The following NCAM1 variants were observed in gnomAD, a reference collection of about 807,000 sequenced individuals.
NCAM1 encodes the protein neural cell adhesion molecule 1, also known as antigen recognized by monoclonal antibody 5.1H11.
NCAM1 carries 14 observed loss-of-function variants against 109.8 expected under a neutral mutation model. That is an observed-to-expected ratio of 0.13 (90% CI 0.08 to 0.20). The LOEUF (loss-of-function observed/expected upper bound fraction) is 0.20. NCAM1 is among the 10% of genes least tolerant of loss of function. The pLI, the probability that NCAM1 is intolerant of heterozygous loss-of-function variation, is 1.00. For missense variants in NCAM1, 774 were observed against 1,109.9 expected (o/e 0.70, Z 4.30); for synonymous variants, 418 against 442.9 (o/e 0.94, Z 0.70).
intron 1 of NCAM1, among the ~76,000 whole-genome samples, chr11:113,045,572 A>T (rs1244344149): frequency 6.6e-6 from 1 of 152,192 alleles, no homozygotes; most frequent in African/African-American, 2.4e-5. Flanking sequence ...AAGCAATAGA[A>T]CACACAGAAC....
At chr11:113,082,747 G>T (rs1378329141) in intron 1 of NCAM1, among the ~76,000 whole-genome samples, 1 of 152,180 alleles carries the variant, frequency 6.6e-6, no homozygotes, top group African/African-American at 2.4e-5. Context: ...CTCAGACCTG[G>T]CTCGGCAAGG....
At chr11:113,097,113 T>A (rs1264738594) in intron 1 of NCAM1, among the ~76,000 whole-genome samples, 4 of 152,116 alleles carry the variant, frequency 2.6e-5, no homozygotes, top group African/African-American at 9.7e-5. Flanking sequence ...CCAAACTGAG[T>A]CTGACATGTT....
chr11:113,217,850 T>C (rs543251088), intron 8 of NCAM1, among the ~76,000 whole-genome samples: 2 of 152,338 alleles, frequency 1.3e-5, no homozygotes, highest in East Asian at 3.9e-4. Flanking sequence ...ACTGGGACTG[T>C]ACTATGCATT....
At chr11:113,122,043 AG>A (rs1940984754) in intron 1 of NCAM1, among the ~76,000 whole-genome samples, 2 of 152,156 alleles carry the variant, frequency 1.3e-5, no homozygotes, top group South Asian at 4.2e-4. Context: ...GGAGGCAGAA[AG>A]GGGGTAATCT....
At chr11:113,198,267 C>T (rs1555111206) in intron 1 of NCAM1, among the ~76,000 whole-genome samples, 2 of 152,156 alleles carry the variant, frequency 1.3e-5, no homozygotes, top group Admixed American at 1.3e-4. Flanking sequence ...CTGAGCGTCC[C>T]TTACCCATAT....
At position 113,188,834 on chromosome 11, in the gene NCAM1, A is replaced by AGTGTGTGT. The variant is rs144748025; in HGVS notation, c.53-13536_53-13529dup. Among the ~76,000 whole-genome samples the AGTGTGTGT allele has an allele frequency of 8.8e-3, 1,331 of 150,586 alleles. 18 individuals are homozygous for AGTGTGTGT. The highest frequency in any genetic ancestry group is 0.03 in the African/African-American group (1,239 of 41,008). ...GGTGGTGTGTGTGTGTGTGAGTGTG[A>AGTGTGTGT]GTGTGTGTGTGTGTGTCTCCCTGTG... On this transcript the variant is annotated intron_variant, in intron 1 of 19. Transcript: ENST00000316851.
chr11:113,153,773 G>A (rs1555102991), intron 1 of NCAM1, among the ~76,000 whole-genome samples: 1 of 152,132 alleles, frequency 6.6e-6, no homozygotes, highest in African/African-American at 2.4e-5. Context: ...ACAGAAAGTG[G>A]GAAGCTCACA....
chr11:113,126,155 CAAA>C (rs5794846), intron 1 of NCAM1, among the ~76,000 whole-genome samples: 4 of 140,758 alleles, frequency 2.8e-5, no homozygotes, highest in Non-Finnish European at 3.1e-5. Flanking sequence ...TACCCTTTCT[CAAA>C]AAAAAAAAAA....
Position 113,169,966 on chromosome 11 carries a change from A to C in NCAM1, c.53-32413A>C, listed in dbSNP as rs1198021698. ...TTTTTTTCAGGAGACATGAAATAAC[A>C]CATCCAGAACCTTTCTATGATTTCC... On this transcript the variant is annotated intron_variant, in intron 1 of 19. Coordinates refer to ENST00000316851, the MANE Select transcript of NCAM1 (RefSeq NM_181351.5). 5.3e-5 allele frequency among the ~76,000 whole-genome samples: 8 copies of C among 152,180 alleles called. No homozygotes were observed. The East Asian group carries it at 1.5e-3, about 29-fold the overall frequency.
intron 1 of NCAM1, among the ~76,000 whole-genome samples, chr11:113,120,325 G>A (rs1231739658): frequency 6.6e-6 from 1 of 152,176 alleles, no homozygotes; most frequent in African/African-American, 2.4e-5. Flanking sequence ...AAAGTTGGAA[G>A]GTTTCCGGTA....
At chr11:113,090,774 T>A (rs1402467110) in intron 1 of NCAM1, among the ~76,000 whole-genome samples, 1 of 152,224 alleles carries the variant, frequency 6.6e-6, no homozygotes, top group African/African-American at 2.4e-5. Context: ...TACCAAAAAG[T>A]AGCACTTCTA....
chr11:113,265,021 C>T (rs1946108922), intron 17 of NCAM1: 1 of 985,472 alleles, frequency 1.0e-6, no homozygotes, highest in African/African-American at 1.7e-5. Flanking sequence ...TGTAGTTGTG[C>T]TGCCCATGCT....
chr11:113,050,562 T>C (rs536234484), intron 1 of NCAM1, among the ~76,000 whole-genome samples: 13 of 152,308 alleles, frequency 8.5e-5, no homozygotes, highest in Admixed American at 3.9e-4. Flanking sequence ...ACCAGTACCA[T>C]GCTGTTTTGG....
chr11:113,188,776 G>A (rs150179699), intron 1 of NCAM1, among the ~76,000 whole-genome samples: 10 of 152,164 alleles, frequency 6.6e-5, no homozygotes, highest in African/African-American at 2.4e-4. Context: ...ATTCCCAGGG[G>A]GAATTCACTG....
At chr11:113,070,521 A>C (rs1938212234) in intron 1 of NCAM1, among the ~76,000 whole-genome samples, 1 of 152,156 alleles carries the variant, frequency 6.6e-6, no homozygotes, top group Admixed American at 6.5e-5. Flanking sequence ...CAGGCAGTGT[A>C]AAGGGAAAGA....
chr11:113,038,707 G>C (rs1328518602), intron 1 of NCAM1, among the ~76,000 whole-genome samples: 2 of 152,158 alleles, frequency 1.3e-5, no homozygotes, highest in African/African-American at 4.8e-5. Flanking sequence ...AAGAACTCTA[G>C]GATTTGGGCT....
intron 1 of NCAM1, chr11:113,133,073 G>T (rs542869507): frequency 1.6e-4 from 25 of 152,292 alleles, no homozygotes; most frequent in Middle Eastern, 3.4e-3. Context: ...TGTTGAGGGA[G>T]GAATTATGTC....
intron 1 of NCAM1, among the ~76,000 whole-genome samples, chr11:113,004,194 C>G (rs1056928347): frequency 5.9e-5 from 9 of 152,258 alleles, no homozygotes; most frequent in African/African-American, 9.6e-5. Context: ...CATATATACA[C>G]TTAAAAATGT....
chr11:113,033,420 G>A (rs778209267), intron 1 of NCAM1, among the ~76,000 whole-genome samples: 9 of 152,284 alleles, frequency 5.9e-5, no homozygotes, highest in African/African-American at 1.4e-4. Context: ...TAAAACAAGC[G>A]TGGAGACAGA....
Sources: allele counts gnomAD v4.1 joint callset (sites outside exome capture counted in the v4.1 genomes callset), GRCh38; gene constraint gnomAD v4.1.1; transcripts MANE v1.5; gene names NCBI Gene and HGNC (gene_info 2026-07-23, HGNC 2026-07-21).